Variants in KIRREL3 observed in about 807,000 individuals in gnomAD.
KIRREL3 encodes kirre like nephrin family adhesion molecule 3, also known as kin of IRRE-like protein 3.
KIRREL3 carries 36 observed loss-of-function variants against 89.7 expected under a neutral mutation model. That is an observed-to-expected ratio of 0.40 (90% CI 0.31 to 0.53). The LOEUF is 0.53. Among genes scored for constraint, KIRREL3 ranks in the 20% least tolerant of loss-of-function variants. KIRREL3 has a pLI of 0.49. For synonymous variants in KIRREL3, 445 were observed against 441.4 expected (o/e 1.01, Z -0.10); for missense variants, 864 against 1,056.6 (o/e 0.82, Z 2.53).
chr11:126,429,433 A>G lies in KIRREL3; in HGVS notation c.1697-145T>C. 1.5e-6 allele frequency: 1 copy of G among 645,896 alleles called. No homozygotes were observed. The highest frequency in any genetic ancestry group is 2.8e-6 in the Non-Finnish European group (1 of 354,556). 40.0% of individuals were successfully genotyped at this position (645,896 alleles called of 1,614,324 possible). Reference sequence around the variant, plus strand: ...AACTCAGCAGCTTCACCAGCCCCCCACCAATAGAACCTCCATATGGAGATG... The same window carrying G: ...AACTCAGCAGCTTCACCAGCCCCCCGCCAATAGAACCTCCATATGGAGATG... On this transcript the variant is annotated intron_variant, in intron 14 of 16. Coordinates refer to ENST00000525144, the MANE Select transcript of KIRREL3 (RefSeq NM_032531.4). The surrounding 1 kb of genome is among the most constrained non-coding windows in gnomAD (Gnocchi z 5.2).
At chr11:126,741,008 C>T (rs1391231350) in intron 1 of KIRREL3, among the ~76,000 whole-genome samples, 1 of 152,166 alleles carries the variant, frequency 6.6e-6, no homozygotes, top group African/African-American at 2.4e-5. Flanking sequence ...GGTTCCACCA[C>T]AAGGAGCTCA....
At chr11:126,479,725 G>A (rs567462440) in intron 4 of KIRREL3, among the ~76,000 whole-genome samples, 1 of 152,284 alleles carries the variant, frequency 6.6e-6, no homozygotes, top group South Asian at 2.1e-4. Flanking sequence ...GCTCCCCCGG[G>A]GCCGGCCAGA....
rs911177169 is a variant in KIRREL3, at chr11:126,565,333, G to A, written c.56-2421C>T. On this transcript the variant is annotated intron_variant, in intron 1 of 16. Coordinates refer to ENST00000525144, the MANE Select transcript of KIRREL3 (RefSeq NM_032531.4). This position sits in a 1 kb window ranked among gnomAD's most constrained non-coding sequence, Gnocchi z 5.4. ...TGAGGAGAGGCTGTGTGGACAAGTGGTTATGATATAATAACTAAGAGTCTC... is the reference window on the plus strand; with the variant it reads ...TGAGGAGAGGCTGTGTGGACAAGTGATTATGATATAATAACTAAGAGTCTC... Among the ~76,000 whole-genome samples, 1 of 152,168 alleles carries A rather than the reference G, an allele frequency of 6.6e-6. No homozygotes were observed. Among genetic ancestry groups the A allele is most frequent in the African/African-American group, 2.4e-5 (1 of 41,436 alleles).
Position 126,449,022 on chromosome 11 carries a change from C to T in KIRREL3, c.984G>A (p.Thr328=), listed in dbSNP as rs112980416. ...CACTGCACTCACAGTAGACGTCAAC[C>T]GTGCGGCTGAGGTTGGTGCTGCCCA... is the stretch of plus-strand genomic sequence containing the variant. The part of the protein sequence containing the change: ...NALGSTNLSR[T]VDVYFGPRMT... The change falls in exon 8 of 17, where the codon ACG becomes ACA. Residue 328 remains threonine, a synonymous_variant. Coordinates refer to ENST00000525144, the MANE Select transcript of KIRREL3 (RefSeq NM_032531.4). 5.5e-5 allele frequency: 88 copies of T among 1,611,196 alleles called. No individual in the cohort carries two copies. In the African/African-American group the frequency reaches 1.0e-3, roughly 19 times the overall value.
At chr11:126,882,922 T>G (rs545863028) in intron 1 of KIRREL3, among the ~76,000 whole-genome samples, 1 of 152,300 alleles carries the variant, frequency 6.6e-6, no homozygotes, top group South Asian at 2.1e-4. Flanking sequence ...TTGTTGGACA[T>G]TCAATGACTG....
chr11:126,466,387 G>A (rs1021369575), intron 5 of KIRREL3, among the ~76,000 whole-genome samples: 11 of 152,246 alleles, frequency 7.2e-5, no homozygotes, highest in African/African-American at 2.4e-4. Flanking sequence ...CCCAGGCCCC[G>A]TGCAGCGGGT....
Position 126,943,530 on chromosome 11 carries a change from G to A in KIRREL3, c.55+56925C>T, listed in dbSNP as rs143672175. Among the ~76,000 whole-genome samples, 1 of 152,318 alleles carries A rather than the reference G, an allele frequency of 6.6e-6. No individual in the cohort carries two copies. The highest frequency in any genetic ancestry group is 1.5e-5 in the Non-Finnish European group (1 of 68,032). On this transcript the variant is annotated intron_variant, in intron 1 of 16. Coordinates refer to ENST00000525144, the MANE Select transcript of KIRREL3 (RefSeq NM_032531.4). This position sits in a 1 kb window ranked among gnomAD's most constrained non-coding sequence, Gnocchi z 4.2. Reference sequence around the variant, plus strand: ...CACAACGCCATGGAGCATGGGTGAAGGATGAGCCCAGGACAAGATTAAATC... The same window carrying A: ...CACAACGCCATGGAGCATGGGTGAAAGATGAGCCCAGGACAAGATTAAATC...
At position 126,463,409 on chromosome 11, in the gene KIRREL3, G is replaced by T; in HGVS notation, c.592-102C>A. Reference sequence around the variant, plus strand: ...AGCACCAGCTTAGACAGAAGGGGGAGCTGTGGATGGAGGGGTTCAGCTTAG... The same window carrying T: ...AGCACCAGCTTAGACAGAAGGGGGATCTGTGGATGGAGGGGTTCAGCTTAG... On this transcript the variant is annotated intron_variant, in intron 5 of 16. Transcript: ENST00000525144. This position sits in a 1 kb window ranked among gnomAD's most constrained non-coding sequence, Gnocchi z 5.9. 8.3e-7 allele frequency: 1 copy of T among 1,202,522 alleles called. No homozygotes were observed. 74.5% of individuals were successfully genotyped at this position (1,202,522 alleles called of 1,614,324 possible).
chr11:126,775,539 C>A (rs1036942305), intron 1 of KIRREL3, among the ~76,000 whole-genome samples: 1 of 152,170 alleles, frequency 6.6e-6, no homozygotes, highest in Admixed American at 6.5e-5. Flanking sequence ...CCAGCTCCCC[C>A]AGTTCATCTT....
intron 1 of KIRREL3, among the ~76,000 whole-genome samples, chr11:126,888,807 G>C (rs1392895858): frequency 6.6e-6 from 1 of 152,152 alleles, no homozygotes; most frequent in African/African-American, 2.4e-5. Context: ...TTTCATTGTC[G>C]ACAGTGATTA....
intron 1 of KIRREL3, among the ~76,000 whole-genome samples, chr11:126,702,727 G>T (rs1947358881): frequency 6.6e-6 from 1 of 152,202 alleles, no homozygotes; most frequent in Non-Finnish European, 1.5e-5. Context: ...GCCACCTCCT[G>T]GTGCACCCCG....
In KIRREL3 at chr11:126,694,193, G is replaced by A. The variant is rs1946994549; in HGVS notation, c.56-131281C>T. 6.6e-6 allele frequency among the ~76,000 whole-genome samples: 1 copy of A among 152,222 alleles called. No homozygotes were observed. The highest frequency in any genetic ancestry group is 6.5e-5 in the Admixed American group (1 of 15,278). ...GGCAGTAAAAGAAAATTGCAGGGAT[G>A]GGGAAATAATGAAAAAGGCTCTTTG... is the stretch of plus-strand genomic sequence containing the variant. On this transcript the variant is annotated intron_variant, in intron 1 of 16. Transcript: ENST00000525144. The surrounding 1 kb of genome is among the most constrained non-coding windows in gnomAD (Gnocchi z 4.4).
At chr11:126,753,666 G>C (rs935745211) in intron 1 of KIRREL3, among the ~76,000 whole-genome samples, 3 of 152,130 alleles carry the variant, frequency 2.0e-5, no homozygotes, top group African/African-American at 7.2e-5. Flanking sequence ...GACAAATGGA[G>C]TATCACCCTA....
chr11:126,728,373 T>C (rs1021569452), intron 1 of KIRREL3, among the ~76,000 whole-genome samples: 1 of 152,164 alleles, frequency 6.6e-6, no homozygotes, highest in East Asian at 1.9e-4. Flanking sequence ...CTACTGTGCA[T>C]GAGAGTGTGT....
intron 1 of KIRREL3, among the ~76,000 whole-genome samples, chr11:126,692,060 CACTGTTGGT>C (rs1441590709): frequency 6.6e-6 from 1 of 152,192 alleles, no homozygotes; most frequent in African/African-American, 2.4e-5. Flanking sequence ...GACCCTTGTG[CACTGTTGGT>C]GGTGTTGTAA....
In KIRREL3 at chr11:126,684,639, C is replaced by A. The variant is rs1173987989; in HGVS notation, c.56-121727G>T. ...AGGACACTTAGAATTAAATTCATTT[C>A]TTTGGGCCAGTCTCCTTTGTCTGCA... On this transcript the variant is annotated intron_variant, in intron 1 of 16. Transcript: ENST00000525144. This position sits in a 1 kb window ranked among gnomAD's most constrained non-coding sequence, Gnocchi z 4.2. 1.3e-5 allele frequency among the ~76,000 whole-genome samples: 2 copies of A among 152,224 alleles called. No homozygotes were observed. The highest frequency in any genetic ancestry group is 2.4e-5 in the African/African-American group (1 of 41,452).
chr11:126,773,093 TG>T lies in KIRREL3; in HGVS notation c.56-210182del, dbSNP rs1464014738. Among the ~76,000 whole-genome samples, 1 of 152,180 alleles carries T rather than the reference TG, an allele frequency of 6.6e-6. No homozygotes were observed. The highest frequency in any genetic ancestry group is 1.5e-5 in the Non-Finnish European group (1 of 68,032). ...CCAAAGCCATTAGCTCCTAAAATAC[TG>T]GGAATGAGGGAATCTTCAAAATCAC... On this transcript the variant is annotated intron_variant, in intron 1 of 16. Transcript: ENST00000525144. The surrounding 1 kb of genome is among the most constrained non-coding windows in gnomAD (Gnocchi z 4.2).
chr11:126,981,819 G>T lies in KIRREL3; in HGVS notation c.55+18636C>A, dbSNP rs1323799371. Among the ~76,000 whole-genome samples, 2 of 152,182 alleles carry T rather than the reference G, an allele frequency of 1.3e-5. No homozygotes were observed. Among genetic ancestry groups the T allele is most frequent in the Non-Finnish European group, 2.9e-5 (2 of 68,036 alleles). On this transcript the variant is annotated intron_variant, in intron 1 of 16. Transcript: ENST00000525144. This position sits in a 1 kb window ranked among gnomAD's most constrained non-coding sequence, Gnocchi z 4.2. ...TAGGCCTGAGGTTTCTGTTGACAGT[G>T]CCTGGAGGAGCCATCTGAGCTTCTG...
chr11:126,667,313 C>T (rs1328663864), intron 1 of KIRREL3, among the ~76,000 whole-genome samples: 1 of 152,230 alleles, frequency 6.6e-6, no homozygotes, highest in Non-Finnish European at 1.5e-5. Context: ...TATTGAGTTG[C>T]TTGACAAACA....
Sources: allele counts gnomAD v4.1 joint callset (sites outside exome capture counted in the v4.1 genomes callset), GRCh38; gene constraint gnomAD v4.1.1; non-coding constraint Gnocchi (gnomAD v3.1); transcripts MANE v1.5; gene names NCBI Gene and HGNC (gene_info 2026-07-23, HGNC 2026-07-21).